Variants in SUGP1 observed in about 807,000 individuals in gnomAD.
SUGP1 encodes SURP and G-patch domain containing 1.
In SUGP1, 34 loss-of-function variants were observed where a neutral mutation model predicts 76.5. The ratio of observed to expected loss-of-function variants is 0.44; its 90% confidence interval spans 0.34 to 0.59. The LOEUF is 0.59. SUGP1 is among the 20% of genes least tolerant of loss of function. The pLI, the probability that SUGP1 is intolerant of heterozygous loss-of-function variation, is 0.01. For missense variants in SUGP1, 752 were observed against 851.7 expected, an observed-to-expected ratio of 0.88 and a Z score of 1.46; for synonymous variants, 326 against 326.2, an observed-to-expected ratio of 1.00 and a Z score of 0.01.
intron 11 of SUGP1, among the ~76,000 whole-genome samples, 158 bp downstream of exon 11, chr19:19,278,532 G>A (rs965771939): frequency 1.3e-5 from 2 of 152,302 alleles, no homozygotes; most frequent in African/African-American, 2.4e-5. Flanking sequence ...CTACACAGAC[G>A]GCGCCTGTCA....
chr19:19,293,381 C>T (rs1453445385), intron 8 of SUGP1, among the ~76,000 whole-genome samples: 2 of 151,042 alleles, frequency 1.3e-5, no homozygotes, highest in Non-Finnish European at 3.0e-5. Flanking sequence ...GTCAGGAGTT[C>T]GAGACCAGCC....
In SUGP1 at chr19:19,277,040, A is replaced by C. The variant is rs199748454; in HGVS notation, c.1818T>G (p.Ile606Met). The C allele has an allele frequency of 1.6e-4, 252 of 1,612,514 alleles. No individual in the cohort carries two copies. The highest frequency in any genetic ancestry group is 1.9e-4 in the Non-Finnish European group (225 of 1,179,924). Residue 606 changes from isoleucine (I) to methionine (M), a missense_variant, in exon 13 of 14, where the codon ATT becomes ATG. By Grantham distance (10) the Ile-to-Met change is conservative. Transcript: ENST00000247001. ...CCTTGGAGAGCTCCGCCGGCCGGTC[A>C]ATGCCGAAGCCAGCGCCGTCCACTG... ...TTTVDGAGFGIDRPAELSKED... is the reference protein window; with the variant it reads ...TTTVDGAGFGMDRPAELSKED...
intron 3 of SUGP1, 80 bp downstream of exon 3, chr19:19,310,017 G>T: frequency 9.3e-7 from 1 of 1,079,736 alleles, no homozygotes; most frequent in Non-Finnish European, 1.4e-6. Flanking sequence ...TCTGAGGTGG[G>T]ACCCATCACT....
At chr19:19,304,672 TACACAGAC>T (rs779776413) in intron 4 of SUGP1, among the ~76,000 whole-genome samples, 16 of 152,236 alleles carry the variant, frequency 1.1e-4, no homozygotes, top group Non-Finnish European at 1.9e-4. Flanking sequence ...TGTCAGCTAC[TACACAGAC>T]TGCAGTCCTT....
intron 4 of SUGP1, 97 bp downstream of exon 4, chr19:19,305,752 A>G: frequency 3.1e-6 from 4 of 1,282,136 alleles, no homozygotes; most frequent in African/African-American, 1.5e-5. Flanking sequence ...AGCCGAAAGC[A>G]CCCATGCCCC....
intron 2 of SUGP1, chr19:19,316,116 A>G: frequency 3.6e-6 from 1 of 280,486 alleles, no homozygotes; most frequent in Non-Finnish European, 6.7e-6. Flanking sequence ...TACAGGTGTG[A>G]GGCAGCACAC....
At chr19:19,305,042 C>A (rs1181151688) in intron 4 of SUGP1, among the ~76,000 whole-genome samples, 1 of 152,146 alleles carries the variant, frequency 6.6e-6, no homozygotes, top group Admixed American at 6.5e-5. Flanking sequence ...AACAGGGTAC[C>A]CTTGGAGCTG....
intron 8 of SUGP1, chr19:19,280,590 T>G: frequency 2.7e-6 from 1 of 368,736 alleles, no homozygotes; most frequent in Admixed American, 3.9e-5. Context: ...GTCACACAGC[T>G]AACGAGTGAC....
chr19:19,276,925 C>T (rs2061054235), intron 13 of SUGP1, 22 bp downstream of exon 13: 9 of 1,612,058 alleles, frequency 5.6e-6, no homozygotes, highest in East Asian at 2.2e-5. Context: ...TGAGCAAAGG[C>T]AGCCCAGGAG....
intron 2 of SUGP1, among the ~76,000 whole-genome samples, chr19:19,313,903 C>T (rs920334653): frequency 3.3e-5 from 5 of 151,860 alleles, no homozygotes; most frequent in East Asian, 1.9e-4. Flanking sequence ...TTAGGGAGGC[C>T]GAGGTGGGAG....
rs751675454 is a variant in SUGP1, at chr19:19,279,395, A to G, written c.1351-5T>C. 1.3e-6 allele frequency: 2 copies of G among 1,594,938 alleles called. No individual in the cohort carries two copies. The highest frequency in any genetic ancestry group is 1.7e-5 in the Admixed American group (1 of 59,304). On this transcript the variant is annotated splice_polypyrimidine_tract_variant and splice_region_variant and intron_variant, in intron 9 of 13. Coordinates refer to ENST00000247001, the MANE Select transcript of SUGP1 (RefSeq NM_172231.4). ...CATGTCGTACATCTGCTGCATCTGCAGGGCACACTCGCCAGTGAGCCAGGG... is the reference window on the plus strand; with the variant it reads ...CATGTCGTACATCTGCTGCATCTGCGGGGCACACTCGCCAGTGAGCCAGGG...
intron 2 of SUGP1, among the ~76,000 whole-genome samples, chr19:19,314,692 G>A (rs78250582): frequency 5.3e-5 from 8 of 152,112 alleles, no homozygotes; most frequent in Non-Finnish European, 7.4e-5. Flanking sequence ...AGAGTACAGC[G>A]AACGGCTCCC....
Position 19,320,498 on chromosome 19 carries a change from C to A in SUGP1, c.-2G>T. The A allele has an allele frequency of 6.2e-7, 1 of 1,610,150 alleles. No individual in the cohort carries two copies. Among genetic ancestry groups the A allele is most frequent in the Non-Finnish European group, 8.5e-7 (1 of 1,178,614 alleles). ...CCGGTTGTCCATCTTGAGACTCATC[C>A]AATCCCACAATGCTCCGGCGCCCCT... On this transcript the variant is annotated 5_prime_UTR_variant, in exon 1 of 14. Coordinates refer to ENST00000247001, the MANE Select transcript of SUGP1 (RefSeq NM_172231.4).
Position 19,277,013 on chromosome 19 carries a change from C to T in SUGP1, c.1845G>A (p.Glu615=). The T allele has an allele frequency of 6.2e-7, 1 of 1,612,984 alleles. No individual in the cohort carries two copies. The highest frequency in any genetic ancestry group is 8.5e-7 in the Non-Finnish European group (1 of 1,180,030). ...TGCGGAACGCCTCATACTCGTCGTC[C>T]TCCTTGGAGAGCTCCGCCGGCCGGT... is the stretch of plus-strand genomic sequence containing the variant. ...GIDRPAELSK[E]DDEYEAFRKR... The change falls in exon 13 of 14, where the codon GAG becomes GAA. Residue 615 remains glutamate (E), a synonymous_variant. Coordinates refer to ENST00000247001, the MANE Select transcript of SUGP1 (RefSeq NM_172231.4).
intron 8 of SUGP1, among the ~76,000 whole-genome samples, chr19:19,283,222 G>A (rs929860282): frequency 2.6e-5 from 4 of 152,154 alleles, no homozygotes; most frequent in Non-Finnish European, 5.9e-5. Flanking sequence ...TGTACATAAT[G>A]TGTTTTGCAG....
chr19:19,310,847 TGGCTG>T (rs2061348158), intron 2 of SUGP1, among the ~76,000 whole-genome samples: 1 of 152,080 alleles, frequency 6.6e-6, no homozygotes, highest in Admixed American at 6.6e-5. Context: ...TTCGCTATGT[TGGCTG>T]GGCTGTTCTC....
intron 8 of SUGP1, among the ~76,000 whole-genome samples, chr19:19,282,757 T>C (rs1019983911): frequency 2.6e-5 from 4 of 151,992 alleles, no homozygotes; most frequent in African/African-American, 9.7e-5. Flanking sequence ...CCACGTAGCC[T>C]AGAAATACTG....
chr19:19,287,182 G>A (rs540046157), intron 8 of SUGP1, among the ~76,000 whole-genome samples: 18 of 152,154 alleles, frequency 1.2e-4, no homozygotes, highest in African/African-American at 4.3e-4. Context: ...GAGACGGGAG[G>A]ATCCCTTGAC....
Position 19,277,071 on chromosome 19 carries a change from G to A in SUGP1, c.1787C>T (p.Thr596Ile). The change falls in exon 13 of 14, where the codon ACC becomes ATC. Residue 596 changes from threonine (T) to isoleucine (I), a missense_variant. Physicochemically the swap from Thr to Ile is moderately conservative, Grantham distance 89 (BLOSUM62 -1). This residue lies in a region of SUGP1 where 132 missense variants were observed against 234.4 expected (regional missense o/e 0.56). Transcript: ENST00000247001. ...QGIKNPVNKG[T>I]TTVDGAGFGI... ...GAAGCCAGCGCCGTCCACTGTGGTGGTGCCCCTACAGGGAGAAGAGGATGT... is the reference window on the plus strand; with the variant it reads ...GAAGCCAGCGCCGTCCACTGTGGTGATGCCCCTACAGGGAGAAGAGGATGT... 2 of 1,610,054 alleles carry A rather than the reference G, an allele frequency of 1.2e-6. No individual in the cohort carries two copies. Among genetic ancestry groups the A allele is most frequent in the South Asian group, 1.1e-5 (1 of 90,792 alleles).
Sources: gnomAD v4.1 joint callset for allele counts (sites outside exome capture counted in the v4.1 genomes callset) on GRCh38, gnomAD v4.1.1 for gene constraint, gnomAD v4.1.1 regional missense constraint, MANE v1.5 for transcripts, NCBI Gene and HGNC (gene_info 2026-07-23, HGNC 2026-07-21) for gene names.